The following SBNO2 variants were observed in gnomAD, a reference collection of about 807,000 sequenced individuals.
The protein encoded by SBNO2 is protein strawberry notch homolog 2.
In SBNO2, 89 loss-of-function variants were observed where a neutral mutation model predicts 146.3. The ratio of observed to expected loss-of-function variants is 0.61; its 90% CI spans 0.51 to 0.73. The LOEUF is 0.73. Ranked by LOEUF, SBNO2 falls within the 30% of genes least tolerant of loss-of-function variation. The pLI, the probability that SBNO2 is intolerant of heterozygous loss-of-function variation, is 0.00. For synonymous variants in SBNO2, 1,147 were observed against 892.6 expected (o/e 1.29, Z -5.08); for missense variants, 2,092 against 2,003.7 (o/e 1.04, Z -0.84).
rs377258948 is a variant in SBNO2, at chr19:1,126,585, G to A, written c.441+1019C>T. ...AGCCGCCCACCGTGAGCCACCCACC[G>A]TGGCTGCGGGGTGCCCTGATGCTTC... On this transcript the variant is annotated intron_variant, in intron 5 of 31. Transcript: ENST00000361757. The surrounding 1 kb of genome is among the most constrained non-coding windows in gnomAD (Gnocchi z 4.4). Among the ~76,000 whole-genome samples, 8 of 151,686 alleles carry A rather than the reference G, an allele frequency of 5.3e-5. No individual in the cohort carries two copies. Among genetic ancestry groups the A allele is most frequent in the South Asian group, 4.2e-4 (2 of 4,774 alleles).
intron 1 of SBNO2, among the ~76,000 whole-genome samples, chr19:1,166,231 A>AT (rs1555729309): frequency 0.031 from 2,334 of 76,408 alleles, 431 homozygotes; most frequent in East Asian, 0.052. Flanking sequence ...GAGATTCCAG[A>AT]CCCCAGATCC....
rs1255347296 is a variant in SBNO2 at position 1,144,030 on chromosome 19, T to TG, written c.279+3278dup. ...GCTTCCGTGGCTGGCTGGGCTGCGCTGGGGGGCACGGCGCAAAGGGCCTCG... is the reference window on the plus strand; with the variant it reads ...GCTTCCGTGGCTGGCTGGGCTGCGCTGGGGGGGCACGGCGCAAAGGGCCTCG... On this transcript the variant is annotated intron_variant, in intron 4 of 31. Transcript: ENST00000361757. The surrounding 1 kb of genome is among the most constrained non-coding windows in gnomAD (Gnocchi z 4.1). 6.6e-6 allele frequency among the ~76,000 whole-genome samples: 1 copy of TG among 152,124 alleles called. No individual in the cohort carries two copies. Among genetic ancestry groups the TG allele is most frequent in the East Asian group, 1.9e-4 (1 of 5,190 alleles).
At position 1,109,475 on chromosome 19, in the gene SBNO2, C is replaced by T. The variant is rs762378061; in HGVS notation, c.3216+31G>A. On this transcript the variant is annotated intron_variant, in intron 28 of 31. Coordinates refer to ENST00000361757, the MANE Select transcript of SBNO2 (RefSeq NM_014963.3). The surrounding 1 kb of genome is among the most constrained non-coding windows in gnomAD (Gnocchi z 4.2). ...CCCCGGTCCGCCCCCCGCGGGCCCTCCTCTGGGGGGGTAACCCCGCCCGAC... is the reference window on the plus strand; with the variant it reads ...CCCCGGTCCGCCCCCCGCGGGCCCTTCTCTGGGGGGGTAACCCCGCCCGAC... 3 of 1,575,670 alleles carry T rather than the reference C, an allele frequency of 1.9e-6. No homozygotes were observed. The Admixed American group carries it at 5.6e-5, about 29-fold the overall frequency.
intron 1 of SBNO2, among the ~76,000 whole-genome samples, chr19:1,155,740 G>A (rs933580255): frequency 6.6e-6 from 1 of 152,162 alleles, no homozygotes; most frequent in Non-Finnish European, 1.5e-5. Context: ...CCCCGGCCCC[G>A]TGTGCTGGTG....
At chr19:1,151,864 T>A (rs894515155) in intron 2 of SBNO2, among the ~76,000 whole-genome samples, 1 of 152,202 alleles carries the variant, frequency 6.6e-6, no homozygotes, top group African/African-American at 2.4e-5. Flanking sequence ...GATTTCATCA[T>A]GTTGGCCAGG....
At chr19:1,133,152 G>A (rs889302795) in intron 4 of SBNO2, among the ~76,000 whole-genome samples, 5 of 152,154 alleles carry the variant, frequency 3.3e-5, no homozygotes, top group Admixed American at 6.5e-5. Flanking sequence ...GAGGACGGCC[G>A]GGCTGTGGAG....
At position 1,146,236 on chromosome 19, in the gene SBNO2, G is replaced by A. The variant is rs150450175; in HGVS notation, c.279+1073C>T. On this transcript the variant is annotated intron_variant, in intron 4 of 31. Transcript: ENST00000361757. ...CCCTCACAGACTCTACTGGGGAGGC[G>A]GACTTGACGGACGCGGTCACCCCAG... 1.1e-3 allele frequency among the ~76,000 whole-genome samples: 160 copies of A among 152,282 alleles called. 2 individuals carry two copies. The highest frequency in any genetic ancestry group is 3.6e-3 in the African/African-American group (149 of 41,562).
At chr19:1,147,549 G>A (rs2080204812) in intron 3 of SBNO2, 129 bp from the exon 4 acceptor site, 3 of 547,138 alleles carry the variant, frequency 5.5e-6, no homozygotes, top group Non-Finnish European at 9.4e-6. Context: ...CAGCCCGGCA[G>A]GACCCATGGC....
In SBNO2 at chr19:1,112,464, C is replaced by G; in HGVS notation, c.2453G>C (p.Arg818Pro). ...CTCCAAGGTCATGTGCACGCGGCGC[C>G]GCTGGTTCTGGACACGGCGGTCGGC... ...LQADRRVQNQ[R>P]RRVHMTLELP... Residue 818 changes from arginine to proline, a missense_variant, in exon 21 of 32, where the codon CGG (arginine) becomes CCG (proline). By Grantham distance (103) the Arg-to-Pro change is moderately radical. Coordinates refer to ENST00000361757, the MANE Select transcript of SBNO2 (RefSeq NM_014963.3). The surrounding 1 kb of genome is among the most constrained non-coding windows in gnomAD (Gnocchi z 5.9). 1 of 1,607,890 alleles carries G rather than the reference C, an allele frequency of 6.2e-7. No homozygotes were observed. Among genetic ancestry groups the G allele is most frequent in the Non-Finnish European group, 8.5e-7 (1 of 1,178,744 alleles).
intron 1 of SBNO2, among the ~76,000 whole-genome samples, chr19:1,164,503 CAGGAGGAGGAGGAGGAGGAACAGG>C (rs1413819860): frequency 2.3e-3 from 30 of 12,946 alleles, no homozygotes; most frequent in Non-Finnish European, 3.9e-3. Flanking sequence ...GCAGTGGAGA[CAGGAGGAGGAGGAGGAGGAACAGG>C]AGGAGGAGGA....
Position 1,154,332 on chromosome 19 carries a change from AC to A in SBNO2, c.-57del. 1 of 1,030,856 alleles carries A rather than the reference AC, an allele frequency of 9.7e-7. No homozygotes were observed. The highest frequency in any genetic ancestry group is 1.2e-6 in the Non-Finnish European group (1 of 802,246). 63.9% of individuals were successfully genotyped at this position (1,030,856 alleles called of 1,614,324 possible). On this transcript the variant is annotated 5_prime_UTR_variant, in exon 2 of 32. Transcript: ENST00000361757. ...GGGCAGCAGGCGGCGGGACTCCAGG[AC>A]CCGGGGCCGCCGGGGCGTCTATCTG... is the stretch of plus-strand genomic sequence containing the variant.
intron 2 of SBNO2, 77 bp from the exon 3 acceptor site, chr19:1,149,519 G>A: frequency 7.3e-7 from 1 of 1,372,100 alleles, no homozygotes; most frequent in South Asian, 1.2e-5. Context: ...TCCGGGCAGG[G>A]TGACAGGCCG....
intron 1 of SBNO2, among the ~76,000 whole-genome samples, chr19:1,160,703 G>C (rs114432597): frequency 1.3e-5 from 2 of 152,126 alleles, no homozygotes; most frequent in African/African-American, 2.4e-5. Context: ...GATAATTTGC[G>C]TATTTTAGTA....
In SBNO2 at chr19:1,119,613, C is replaced by T; in HGVS notation, c.1276G>A (p.Glu426Lys). 1 of 1,607,620 alleles carries T rather than the reference C, an allele frequency of 6.2e-7. No homozygotes were observed. The highest frequency in any genetic ancestry group is 8.5e-7 in the Non-Finnish European group (1 of 1,177,386). ...VVYASATGAS[E>K]PRNMIYMSRL... ...CTCATGTAGATCATGTTCCGAGGCTCAGAGGCACCTGTGGGGGGAAGCTGC... is the reference window on the plus strand; with the variant it reads ...CTCATGTAGATCATGTTCCGAGGCTTAGAGGCACCTGTGGGGGGAAGCTGC... The change falls in exon 13 of 32, where the codon GAG (glutamate) becomes AAG (lysine). Residue 426 changes from glutamate to lysine, a missense_variant. Glu to Lys is a moderately conservative substitution (Grantham distance 56, BLOSUM62 1). Coordinates refer to ENST00000361757, the MANE Select transcript of SBNO2 (RefSeq NM_014963.3).
chr19:1,115,140 G>A (rs1031774806), intron 17 of SBNO2, among the ~76,000 whole-genome samples: 1 of 152,048 alleles, frequency 6.6e-6, no homozygotes, highest in East Asian at 1.9e-4. Context: ...ATGTTGGCCA[G>A]GCTGGTCTCA....
chr19:1,125,524 G>C (rs1440751853), intron 5 of SBNO2, among the ~76,000 whole-genome samples: 1 of 151,984 alleles, frequency 6.6e-6, no homozygotes, highest in African/African-American at 2.4e-5. Flanking sequence ...TACAAAATTA[G>C]CCAGGCACGA....
chr19:1,162,328 C>T (rs1193832576), intron 1 of SBNO2, among the ~76,000 whole-genome samples: 57 of 148,476 alleles, frequency 3.8e-4, no homozygotes, highest in African/African-American at 1.2e-3. Context: ...GGCGTGGTGG[C>T]GGGTGCCTGT....
At chr19:1,130,051 C>G (rs1750432459) in intron 4 of SBNO2, among the ~76,000 whole-genome samples, 2 of 152,200 alleles carry the variant, frequency 1.3e-5, no homozygotes, top group South Asian at 4.1e-4. Flanking sequence ...AGCCCCAGGA[C>G]CGCCCAACGC....
At chr19:1,162,026 G>A (rs1160490860) in intron 1 of SBNO2, among the ~76,000 whole-genome samples, 1 of 150,444 alleles carries the variant, frequency 6.6e-6, no homozygotes. Context: ...GGCCACAGAT[G>A]GCGCCTGGGG....
Sources: gnomAD v4.1 joint callset for allele counts (sites outside exome capture counted in the v4.1 genomes callset) on GRCh38, gnomAD v4.1.1 for gene constraint, Gnocchi (gnomAD v3.1) non-coding constraint, MANE v1.5 for transcripts, NCBI Gene and HGNC (gene_info 2026-07-23, HGNC 2026-07-21) for gene names.